CTTNBP2: variants seen among roughly 807,000 people sequenced by gnomAD.
CTTNBP2 encodes cortactin binding protein 2.
In CTTNBP2, 108 loss-of-function variants were observed where a neutral mutation model predicts 156.9. That is an observed-to-expected ratio of 0.69 (90% CI 0.59 to 0.81). The LOEUF is 0.81. CTTNBP2 is among the 30% of genes least tolerant of loss of function. The pLI, the probability that CTTNBP2 is intolerant of heterozygous loss-of-function variation, is 0.00. For synonymous variants in CTTNBP2, 767 were observed against 751.8 expected (o/e 1.02, Z -0.33); for missense variants, 1,924 against 2,035.4 (o/e 0.95, Z 1.05).
chr7:117,841,184 C>T (rs1050788411), intron 2 of CTTNBP2, among the ~76,000 whole-genome samples: 7 of 152,138 alleles, frequency 4.6e-5, no homozygotes, highest in African/African-American at 1.7e-4. Flanking sequence ...TCTGGCCTCA[C>T]AGAAGACATC....
intron 2 of CTTNBP2, among the ~76,000 whole-genome samples, chr7:117,854,315 T>C (rs571635010): frequency 6.6e-6 from 1 of 152,346 alleles, no homozygotes; most frequent in South Asian, 2.1e-4. Flanking sequence ...AGGAGAATTC[T>C]GAAATACAAA....
At chr7:117,736,577 T>G (rs991523180) in intron 14 of CTTNBP2, among the ~76,000 whole-genome samples, 1 of 152,234 alleles carries the variant, frequency 6.6e-6, no homozygotes, top group Admixed American at 6.5e-5. Flanking sequence ...CACTTCCGAC[T>G]CATATTTTCC....
chr7:117,858,364 C>G (rs530538472), intron 2 of CTTNBP2, among the ~76,000 whole-genome samples: 2 of 152,092 alleles, frequency 1.3e-5, no homozygotes, highest in East Asian at 3.9e-4. Flanking sequence ...AGTGAGACTC[C>G]GTCTCAAAAA....
rs775777269 is a variant in CTTNBP2 at position 117,725,058 on chromosome 7, T to C, written c.4255A>G (p.Arg1419Gly). ...KAVLHGCPLP[R>G]AELDQHTADF... ...TCTGCAGAAACCCACATACCTGCTCTGGGGAGGGGACAGCCATGCAGTACA... is the reference window on the plus strand; with the variant it reads ...TCTGCAGAAACCCACATACCTGCTCCGGGGAGGGGACAGCCATGCAGTACA... Residue 1419 changes from arginine to glycine, a missense_variant, in exon 18 of 23, where the codon AGA becomes GGA. Arg to Gly is a moderately radical substitution (Grantham distance 125). Transcript: ENST00000160373. The C allele has an allele frequency of 6.3e-5, 101 of 1,612,188 alleles. No individual in the cohort carries two copies. The highest frequency in any genetic ancestry group is 8.1e-5 in the Non-Finnish European group (96 of 1,179,930).
chr7:117,804,019 G>A (rs1030802374), intron 3 of CTTNBP2, among the ~76,000 whole-genome samples: 4 of 152,166 alleles, frequency 2.6e-5, no homozygotes, highest in Admixed American at 6.5e-5. Context: ...CCAGAGTGTA[G>A]TGGGGTGATC....
chr7:117,849,784 T>A lies in CTTNBP2; in HGVS notation c.189+11425A>T, dbSNP rs191642314. Among the ~76,000 whole-genome samples, 4 of 152,304 alleles carry A rather than the reference T, an allele frequency of 2.6e-5. No individual in the cohort carries two copies. The East Asian group carries it at 7.7e-4, about 29-fold the overall frequency. The stretch of plus-strand genomic sequence containing the variant: ...TAATTCATCTTCATTAGAACTCTTT[T>A]CTCTGGGCTTTACTAAAACACGCAA... On this transcript the variant is annotated intron_variant, in intron 2 of 22. Transcript: ENST00000160373.
chr7:117,852,572 ATTAATAAGAAGGACACG>A (rs1232483439), intron 2 of CTTNBP2, among the ~76,000 whole-genome samples: 2 of 152,212 alleles, frequency 1.3e-5, no homozygotes, highest in Non-Finnish European at 2.9e-5. Flanking sequence ...TTTTGGTATA[ATTAATAAGAAGGACACG>A]TTAAAAATCA....
At chr7:117,853,282 T>C (rs1803046954) in intron 2 of CTTNBP2, among the ~76,000 whole-genome samples, 1 of 152,204 alleles carries the variant, frequency 6.6e-6, no homozygotes, top group South Asian at 2.1e-4. Flanking sequence ...ACCCTCTTCC[T>C]TTTTCATTTT....
At chr7:117,811,850 A>G (rs1249845570) in intron 2 of CTTNBP2, among the ~76,000 whole-genome samples, 2 of 48,324 alleles carry the variant, frequency 4.1e-5, no homozygotes, top group Admixed American at 4.1e-4. Flanking sequence ...TTAAATTAAA[A>G]TTTTAATGTA....
chr7:117,711,889 A>C (rs1412251574), intron 22 of CTTNBP2, 107 bp from the exon 23 acceptor site: 1 of 1,124,068 alleles, frequency 8.9e-7, no homozygotes. Context: ...CTCTAAAACT[A>C]TAGGTTCTCG....
At chr7:117,711,914 A>C (rs1292836899) in intron 22 of CTTNBP2, 132 bp from the exon 23 acceptor site, 6 of 838,156 alleles carry the variant, frequency 7.2e-6, no homozygotes, top group African/African-American at 1.7e-5. Context: ...AAATCAAAAG[A>C]AAATGGAGAG....
intron 12 of CTTNBP2, among the ~76,000 whole-genome samples, chr7:117,747,128 G>A (rs1379143996): frequency 6.6e-6 from 1 of 152,210 alleles, no homozygotes; most frequent in African/African-American, 2.4e-5. Context: ...TTGGACAGGT[G>A]AGGGTCCAAC....
At chr7:117,836,339 C>T (rs568217950) in intron 2 of CTTNBP2, among the ~76,000 whole-genome samples, 38 of 152,218 alleles carry the variant, frequency 2.5e-4, no homozygotes, top group Admixed American at 1.1e-3. Context: ...CTGAGGTGGG[C>T]GGATCATGAG....
intron 2 of CTTNBP2, among the ~76,000 whole-genome samples, chr7:117,822,844 T>C (rs1311383562): frequency 6.6e-6 from 1 of 152,232 alleles, no homozygotes; most frequent in African/African-American, 2.4e-5. Context: ...TCTAGAAATG[T>C]CAATTCATCA....
At chr7:117,780,140 A>T (rs1798336281) in intron 7 of CTTNBP2, among the ~76,000 whole-genome samples, 1 of 152,208 alleles carries the variant, frequency 6.6e-6, no homozygotes, top group Non-Finnish European at 1.5e-5. Context: ...TTGTTGAATG[A>T]ATAAAAAATT....
intron 7 of CTTNBP2, among the ~76,000 whole-genome samples, chr7:117,779,134 A>G (rs1367383760): frequency 1.3e-5 from 2 of 152,176 alleles, no homozygotes; most frequent in African/African-American, 2.4e-5. Context: ...AGACAAGACT[A>G]TGGAGCTTCA....
chr7:117,837,331 TTAC>T (rs1462708721), intron 2 of CTTNBP2, among the ~76,000 whole-genome samples: 4 of 152,182 alleles, frequency 2.6e-5, no homozygotes, highest in African/African-American at 9.7e-5. Flanking sequence ...TAATACACTT[TTAC>T]TACTTTTCTC....
At chr7:117,759,835 A>G (rs1162828369) in intron 10 of CTTNBP2, among the ~76,000 whole-genome samples, 1 of 152,222 alleles carries the variant, frequency 6.6e-6, no homozygotes, top group African/African-American at 2.4e-5. Context: ...GACCAAGAAG[A>G]AAGGAACTAA....
chr7:117,854,524 A>G (rs1032031783), intron 2 of CTTNBP2, among the ~76,000 whole-genome samples: 4 of 152,198 alleles, frequency 2.6e-5, no homozygotes, highest in African/African-American at 9.7e-5. Flanking sequence ...CTAGCACTGA[A>G]CCATACAACC....
Sources: gnomAD v4.1 joint callset for allele counts (sites outside exome capture counted in the v4.1 genomes callset) on GRCh38, gnomAD v4.1.1 for gene constraint, MANE v1.5 for transcripts, NCBI Gene and HGNC (gene_info 2026-07-23, HGNC 2026-07-21) for gene names.